Variants in NRG1 observed in about 807,000 individuals in gnomAD.
The protein encoded by NRG1 is neuregulin 1.
NRG1 carries 18 observed loss-of-function variants against 63.8 expected under a neutral mutation model. The observed-to-expected ratio is 0.28, with a 90% CI of 0.19 to 0.42. The LOEUF is 0.42. Ranked by LOEUF, NRG1 falls within the 10% of genes least tolerant of loss-of-function variation. The probability of loss-of-function intolerance (pLI) is 1.00; values close to 1 mark genes in which losing one functional copy is unlikely to be tolerated. For synonymous variants in NRG1, 302 were observed against 301.3 expected (o/e 1.00, Z -0.02); for missense variants, 762 against 814.7 (o/e 0.94, Z 0.79).
intron 1 of NRG1, among the ~76,000 whole-genome samples, chr8:32,563,097 A>T (rs1358880506): frequency 6.6e-6 from 1 of 152,096 alleles, no homozygotes. Context: ...AAATTTGTAA[A>T]CTTTCTTAAA....
At chr8:32,069,990 G>C (rs1825514832) in intron 1 of NRG1, among the ~76,000 whole-genome samples, 1 of 152,282 alleles carries the variant, frequency 6.6e-6, no homozygotes, top group African/African-American at 2.4e-5. Context: ...GTGGTTCCCA[G>C]CTGGGCAGTA....
At chr8:32,163,482 T>G (rs1482213091) in intron 1 of NRG1, among the ~76,000 whole-genome samples, 1 of 152,162 alleles carries the variant, frequency 6.6e-6, no homozygotes, top group Non-Finnish European at 1.5e-5. Context: ...GCCATATTAA[T>G]AACTGCTTTC....
At chr8:32,061,382 A>G (rs183329729) in intron 1 of NRG1, among the ~76,000 whole-genome samples, 152 of 152,080 alleles carry the variant, frequency 1.0e-3, no homozygotes, top group African/African-American at 3.5e-3. Context: ...CTTCCCTCAT[A>G]AAACTGTTTC....
intron 1 of NRG1, among the ~76,000 whole-genome samples, chr8:32,285,435 C>G (rs1013697414): frequency 2.0e-5 from 3 of 152,178 alleles, no homozygotes; most frequent in African/African-American, 7.2e-5. Context: ...GACCAGAAGA[C>G]TCCTCAGTGA....
At chr8:31,776,600 A>T (rs1412116857) in intron 1 of NRG1, among the ~76,000 whole-genome samples, 1 of 152,114 alleles carries the variant, frequency 6.6e-6, no homozygotes, top group Non-Finnish European at 1.5e-5. Context: ...CAGGTTTGTT[A>T]CATATGTATA....
intron 1 of NRG1, among the ~76,000 whole-genome samples, chr8:32,114,485 G>A (rs146556533): frequency 6.6e-6 from 1 of 152,030 alleles, no homozygotes; most frequent in Non-Finnish European, 1.5e-5. Flanking sequence ...CAGCCTTTCA[G>A]CACCTGCTGA....
intron 5 of NRG1, chr8:32,647,134 G>C: frequency 2.0e-6 from 2 of 985,338 alleles, no homozygotes; most frequent in South Asian, 9.4e-5. Context: ...GTGATGCTCC[G>C]AGGGCAGGCA....
chr8:31,744,950 C>T (rs1815696971), intron 1 of NRG1, among the ~76,000 whole-genome samples: 2 of 151,768 alleles, frequency 1.3e-5, no homozygotes, highest in African/African-American at 4.8e-5. Flanking sequence ...AAAATGGGGA[C>T]CTTAAACAAT....
In NRG1 at chr8:32,757,785, C is replaced by A. The variant is rs1265382501; in HGVS notation, c.921+1256C>A. Among the ~76,000 whole-genome samples the A allele has an allele frequency of 9.2e-5, 14 of 152,168 alleles. 1 individual carries two copies. Among genetic ancestry groups the A allele is most frequent in the Non-Finnish European group, 2.1e-4 (14 of 68,026 alleles). On this transcript the variant is annotated intron_variant, in intron 9 of 11. Transcript: ENST00000356819. The stretch of plus-strand genomic sequence containing the variant: ...TATAAAAACAGACCTAAAAATAATA[C>A]CTACTTCAGAGACTCCTTGTGAGCC...
intron 1 of NRG1, among the ~76,000 whole-genome samples, chr8:32,300,714 G>T (rs536895271): frequency 6.6e-6 from 1 of 152,190 alleles, no homozygotes; most frequent in Non-Finnish European, 1.5e-5. Context: ...CTATACACAC[G>T]AGAGATGCAC....
intron 1 of NRG1, among the ~76,000 whole-genome samples, chr8:31,927,914 C>T (rs951886385): frequency 6.7e-6 from 1 of 148,326 alleles, no homozygotes; most frequent in Non-Finnish European, 1.5e-5. Context: ...CTGTGCACAA[C>T]GTGCAGGTTT....
At chr8:32,240,101 G>A (rs989799811) in intron 1 of NRG1, among the ~76,000 whole-genome samples, 2 of 152,096 alleles carry the variant, frequency 1.3e-5, no homozygotes, top group African/African-American at 2.4e-5. Context: ...ACCTGTACAT[G>A]AATATTAATA....
At chr8:31,928,423 A>C (rs956901057) in intron 1 of NRG1, among the ~76,000 whole-genome samples, 6 of 150,338 alleles carry the variant, frequency 4.0e-5, no homozygotes, top group Middle Eastern at 3.5e-3. Flanking sequence ...TACAATCTCT[A>C]TGGAAAACAA....
chr8:32,100,116 CT>C (rs1563786231), intron 1 of NRG1, among the ~76,000 whole-genome samples: 1 of 152,018 alleles, frequency 6.6e-6, no homozygotes, highest in Non-Finnish European at 1.5e-5. Context: ...CCCCTTCCCC[CT>C]CTTTTCCTCC....
At position 32,088,511 on chromosome 8, in the gene NRG1, C is replaced by G. The variant is rs1025354514; in HGVS notation, c.37+449080C>G. On this transcript the variant is annotated intron_variant, in intron 1 of 10. Transcript: ENST00000519301. ...AAACTTGGGTCTGAAAGAAAACTTACAAGTCATCACTTTTTTTTTTTTTTT... is the reference window on the plus strand; with the variant it reads ...AAACTTGGGTCTGAAAGAAAACTTAGAAGTCATCACTTTTTTTTTTTTTTT... 3.4e-4 allele frequency among the ~76,000 whole-genome samples: 44 copies of G among 128,648 alleles called. No individual in the cohort carries two copies. The Admixed American group carries it at 4.1e-3, about 12-fold the overall frequency. The allele number at this position is 128,648 out of a possible 152,430, so 84.4% of individuals were successfully genotyped here.
At chr8:32,741,922 C>T in intron 6 of NRG1, 86 bp from the exon 7 acceptor site, 1 of 935,900 alleles carries the variant, frequency 1.1e-6, no homozygotes, top group South Asian at 1.3e-5. Flanking sequence ...TTAGGAATCT[C>T]CATATTCCAT....
exon 12 of NRG1, chr8:32,764,105 C>G (rs1472121819): frequency 6.2e-7 from 1 of 1,613,988 alleles, no homozygotes. Flanking sequence ...AGAAACTCGC[C>G]AATAGCCGGC....
At position 31,750,127 on chromosome 8, in the gene NRG1, C is replaced by T. The variant is rs561798965; in HGVS notation, c.37+110696C>T. Among the ~76,000 whole-genome samples the T allele has an allele frequency of 4.6e-5, 7 of 151,876 alleles. No homozygotes were observed. In the South Asian group the frequency reaches 1.5e-3, roughly 32 times the overall value. The stretch of plus-strand genomic sequence containing the variant: ...TACTGTGATTCCAAATATAATTTCC[C>T]AGGAGGTGAAATTCCCTCTCCTAAA... On this transcript the variant is annotated intron_variant, in intron 1 of 10. Transcript: ENST00000519301.
At chr8:32,175,850 A>G (rs1369498830) in intron 1 of NRG1, among the ~76,000 whole-genome samples, 4 of 152,256 alleles carry the variant, frequency 2.6e-5, no homozygotes, top group African/African-American at 9.6e-5. Flanking sequence ...AACAAATGGA[A>G]GAACATTCCA....
Sources: gnomAD v4.1 joint callset for allele counts (sites outside exome capture counted in the v4.1 genomes callset) on GRCh38, gnomAD v4.1.1 for gene constraint, MANE v1.5 for transcripts, NCBI Gene and HGNC (gene_info 2026-07-23, HGNC 2026-07-21) for gene names.